Variants in JAM2 observed in about 807,000 individuals in gnomAD.
JAM2 encodes the protein junctional adhesion molecule B.
A neutral mutation model predicts 42.0 loss-of-function variants in JAM2; 17 were observed. That is an observed-to-expected ratio of 0.40 (90% CI 0.28 to 0.61). The LOEUF (loss-of-function observed/expected upper bound fraction) is 0.61. JAM2 is among the 20% of genes least tolerant of loss of function. The pLI is 0.37. For missense variants in JAM2, 319 were observed against 358.3 expected (o/e 0.89, Z 0.89); for synonymous variants, 118 against 128.6 (o/e 0.92, Z 0.56).
chr21:25,705,130 T>C (rs769607698), intron 6 of JAM2, among the ~76,000 whole-genome samples: 8 of 152,254 alleles, frequency 5.3e-5, no homozygotes, highest in Non-Finnish European at 1.2e-4. Flanking sequence ...TGTATATGAC[T>C]GTGTATGTGT....
Position 25,693,761 on chromosome 21 carries a change from T to C in JAM2, c.247T>C (p.Phe83Leu). The C allele has an allele frequency of 6.2e-7, 1 of 1,613,494 alleles. No homozygotes were observed. Among genetic ancestry groups the C allele is most frequent in the Non-Finnish European group, 8.5e-7 (1 of 1,179,486 alleles). Residue 83 changes from phenylalanine to leucine, a missense_variant, in exon 4 of 10, where the codon TTT becomes CTT. By Grantham distance (22) the Phe-to-Leu change is conservative. Transcript: ENST00000480456. ...VYYQQTLQGD[F>L]KNRAEMIDFN... ...ATGTCTTCTTTTTCTAAAAGGTGAT[T>C]TTAAAAATCGAGCTGAGATGATAGA...
At chr21:25,673,858 C>T (rs1253810039) in intron 1 of JAM2, among the ~76,000 whole-genome samples, 5 of 152,194 alleles carry the variant, frequency 3.3e-5, no homozygotes, top group African/African-American at 1.2e-4. Flanking sequence ...TTCCCACATG[C>T]TGTGGGAGGG....
intron 1 of JAM2, among the ~76,000 whole-genome samples, chr21:25,670,023 A>C (rs1179891427): frequency 6.6e-6 from 1 of 152,248 alleles, no homozygotes; most frequent in African/African-American, 2.4e-5. Context: ...AAATAATTTC[A>C]AAACTTTTGG....
At chr21:25,645,701 T>C (rs1435899379) in intron 1 of JAM2, among the ~76,000 whole-genome samples, 1 of 152,218 alleles carries the variant, frequency 6.6e-6, no homozygotes, top group East Asian at 1.9e-4. Flanking sequence ...TTAGGTGATT[T>C]TGTTATTGTG....
chr21:25,685,591 TA>T lies in JAM2; in HGVS notation c.133+1649del, dbSNP rs1212357222. Among the ~76,000 whole-genome samples the T allele has an allele frequency of 5.9e-5, 9 of 151,738 alleles. No homozygotes were observed. In the East Asian group the frequency reaches 9.7e-4, roughly 16 times the overall value. On this transcript the variant is annotated intron_variant, in intron 2 of 9. Transcript: ENST00000480456. ...ATGAGTAATTTAATAACAAATTACT[TA>T]AAAAATTATTAGGTTAACTAAGTTC...
At chr21:25,709,190 A>T (rs970007870) in intron 7 of JAM2, among the ~76,000 whole-genome samples, 1 of 150,190 alleles carries the variant, frequency 6.7e-6, no homozygotes, top group Admixed American at 6.7e-5. Flanking sequence ...AAATGTTTGG[A>T]AATTTGTTTG....
At chr21:25,645,346 G>C (rs77030911) in intron 1 of JAM2, among the ~76,000 whole-genome samples, 3,971 of 152,278 alleles carry the variant, frequency 0.026, 81 homozygotes, top group Admixed American at 0.039. Flanking sequence ...ATCCCAATAA[G>C]AGTGCTTACC....
At chr21:25,661,704 T>C (rs1462066831) in intron 1 of JAM2, among the ~76,000 whole-genome samples, 1 of 152,014 alleles carries the variant, frequency 6.6e-6, no homozygotes. Flanking sequence ...GGCATCAAAA[T>C]TTATTATAAA....
intron 1 of JAM2, among the ~76,000 whole-genome samples, chr21:25,649,391 C>G (rs8134197): frequency 6.6e-6 from 1 of 152,052 alleles, no homozygotes; most frequent in Non-Finnish European, 1.5e-5. Flanking sequence ...GCAGAAGTGC[C>G]GAGCAAAAGC....
chr21:25,683,752 C>T, intron 1 of JAM2, 131 bp from the exon 2 acceptor site: 1 of 627,358 alleles, frequency 1.6e-6, no homozygotes, highest in African/African-American at 1.9e-5. Flanking sequence ...TCCTTTAAAA[C>T]TATGTGTTAT....
chr21:25,647,454 A>T (rs533102196), intron 1 of JAM2, among the ~76,000 whole-genome samples: 102 of 152,328 alleles, frequency 6.7e-4, no homozygotes, highest in African/African-American at 2.2e-3. Flanking sequence ...ATCATATTAT[A>T]TATAGTGTTG....
At chr21:25,664,696 T>C (rs2033174708) in intron 1 of JAM2, among the ~76,000 whole-genome samples, 1 of 152,232 alleles carries the variant, frequency 6.6e-6, no homozygotes, top group Non-Finnish European at 1.5e-5. Flanking sequence ...TCTTACATGG[T>C]TTCCTCTTGG....
intron 1 of JAM2, among the ~76,000 whole-genome samples, chr21:25,674,308 T>C (rs1438343344): frequency 6.6e-6 from 1 of 152,088 alleles, no homozygotes; most frequent in African/African-American, 2.4e-5. Context: ...GGCATGAGAA[T>C]CACTTGAACC....
intron 1 of JAM2, among the ~76,000 whole-genome samples, chr21:25,650,294 A>G (rs1474330497): frequency 6.6e-6 from 1 of 152,232 alleles, no homozygotes; most frequent in East Asian, 1.9e-4. Flanking sequence ...TTGGTGCAAA[A>G]GTAACTGCAG....
rs147927864 is a variant in JAM2 at position 25,688,243 on chromosome 21, GGTGT to G, written c.134-1598_134-1595del. Among the ~76,000 whole-genome samples, 777 of 149,800 alleles carry G rather than the reference GGTGT, an allele frequency of 5.2e-3. 21 individuals are homozygous for G. The East Asian group carries it at 0.053, about 10-fold the overall frequency. On this transcript the variant is annotated intron_variant, in intron 2 of 9. Transcript: ENST00000480456. ...AAATTAGGAAGAATTCACCAGGAGGGGTGTGTGTGTGTGTGTGTGTGTGTGTGTA... is the reference window on the plus strand; with the variant it reads ...AAATTAGGAAGAATTCACCAGGAGGGGTGTGTGTGTGTGTGTGTGTGTGTA...
At chr21:25,677,758 A>G (rs574003193) in intron 1 of JAM2, among the ~76,000 whole-genome samples, 4 of 152,310 alleles carry the variant, frequency 2.6e-5, no homozygotes, top group Non-Finnish European at 5.9e-5. Context: ...TTGAGTCTTC[A>G]TTGTTTTCTC....
intron 1 of JAM2, among the ~76,000 whole-genome samples, chr21:25,681,892 G>A (rs1020972996): frequency 6.6e-6 from 1 of 152,204 alleles, no homozygotes; most frequent in African/African-American, 2.4e-5. Context: ...TGAGGCAGGA[G>A]AATGGCGTGA....
intron 6 of JAM2, among the ~76,000 whole-genome samples, chr21:25,704,271 C>T (rs1314502815): frequency 1.3e-5 from 2 of 151,986 alleles, no homozygotes; most frequent in African/African-American, 4.8e-5. Context: ...TCTTATTGAC[C>T]TCTCAATACC....
intron 1 of JAM2, among the ~76,000 whole-genome samples, chr21:25,656,515 C>T (rs1001052071): frequency 5.3e-5 from 8 of 152,056 alleles, no homozygotes; most frequent in East Asian, 1.9e-4. Flanking sequence ...GAGAAGATGC[C>T]GGTTATGGGA....
Sources: gnomAD v4.1 joint callset for allele counts (sites outside exome capture counted in the v4.1 genomes callset) on GRCh38, gnomAD v4.1.1 for gene constraint, MANE v1.5 for transcripts, NCBI Gene and HGNC (gene_info 2026-07-23, HGNC 2026-07-21) for gene names.